FLT1: variants seen among roughly 807,000 people sequenced by gnomAD.
FLT1 encodes the protein fms related receptor tyrosine kinase 1.
Under a neutral mutation model 156.3 loss-of-function variants are expected in FLT1, and 49 were observed. That is an observed-to-expected ratio of 0.31 (90% confidence interval 0.25 to 0.40). The LOEUF is 0.40. Among genes scored for constraint, FLT1 ranks in the 10% least tolerant of loss-of-function variants. The pLI is 1.00. For synonymous variants in FLT1, 594 were observed against 583.8 expected (o/e 1.02, Z -0.25); for missense variants, 1,322 against 1,637.2 (o/e 0.81, Z 3.32).
chr13:28,394,329 T>A (rs2137467806), intron 12 of FLT1, among the ~76,000 whole-genome samples: 1 of 152,256 alleles, frequency 6.6e-6, no homozygotes. Context: ...GAGCTTCAAG[T>A]AGGTATGTCT....
intron 10 of FLT1, among the ~76,000 whole-genome samples, chr13:28,414,415 A>G (rs577270815): frequency 7.9e-5 from 12 of 152,302 alleles, no homozygotes; most frequent in Non-Finnish European, 1.5e-4. Context: ...CAAAAAAGCA[A>G]CCCCATGCTA....
chr13:28,459,714 C>T (rs1593817157), intron 3 of FLT1, among the ~76,000 whole-genome samples: 1 of 152,252 alleles, frequency 6.6e-6, no homozygotes, highest in East Asian at 1.9e-4. Context: ...ACTGTTTTTG[C>T]CTATTTTCCC....
intron 28 of FLT1, 38 bp from the exon 29 acceptor site, chr13:28,306,810 C>T (rs372494463): frequency 1.9e-5 from 27 of 1,407,418 alleles, no homozygotes; most frequent in Non-Finnish European, 2.4e-5. Flanking sequence ...TCTTGCCTGG[C>T]CCAGCGGGGG....
At chr13:28,346,176 A>T (rs905492850) in intron 15 of FLT1, 1 of 153,050 alleles carries the variant, frequency 6.5e-6, no homozygotes, top group Non-Finnish European at 1.5e-5. Flanking sequence ...GGGGCCTGAG[A>T]TAGAAGAGGC....
At chr13:28,411,328 G>A (rs1876159365) in intron 10 of FLT1, among the ~76,000 whole-genome samples, 1 of 151,612 alleles carries the variant, frequency 6.6e-6, no homozygotes, top group Non-Finnish European at 1.5e-5. Flanking sequence ...CGAGGCAGGT[G>A]GATCACCTGA....
chr13:28,459,527 G>A lies in FLT1; in HGVS notation c.388+7376C>T, dbSNP rs187484680. 3.1e-3 allele frequency among the ~76,000 whole-genome samples: 468 copies of A among 152,300 alleles called. 5 individuals carry two copies. Among genetic ancestry groups the A allele is most frequent in the Non-Finnish European group, 3.8e-3 (260 of 68,028 alleles). ...ATGGGCAGGTGGAGGAGAGAATGAG[G>A]CCATGTGGAAAATGGAAATTTAAAA... On this transcript the variant is annotated intron_variant, in intron 3 of 29. Coordinates refer to ENST00000282397, the MANE Select transcript of FLT1 (RefSeq NM_002019.4).
chr13:28,367,387 T>A (rs1873339752), intron 14 of FLT1, among the ~76,000 whole-genome samples: 1 of 152,230 alleles, frequency 6.6e-6, no homozygotes. Flanking sequence ...TTATGTTGGT[T>A]GCTAATGGAG....
Position 28,339,245 on chromosome 13 carries a change from AC to A in FLT1, c.2410del (p.Val804PhefsTer57). ...YLSIIMDPDE[V>X]PLDEQCERLP... The stretch of plus-strand genomic sequence containing the variant: ...CCGCTCACACTGCTCATCCAAAGGA[AC>A]TTCATCTGGGTCCATTATAATTGAT... On this transcript the variant is annotated frameshift_variant, in exon 17 of 30. Transcript: ENST00000282397. LOFTEE classifies it high-confidence loss of function. 1 of 1,609,446 alleles carries A rather than the reference AC, an allele frequency of 6.2e-7. No individual in the cohort carries two copies. The highest frequency in any genetic ancestry group is 8.5e-7 in the Non-Finnish European group (1 of 1,175,774).
At chr13:28,446,288 T>C (rs190097459) in intron 3 of FLT1, among the ~76,000 whole-genome samples, 9 of 152,334 alleles carry the variant, frequency 5.9e-5, no homozygotes, top group Admixed American at 1.3e-4. Flanking sequence ...TTCAATAGTG[T>C]ACTAGAGGTT....
chr13:28,418,963 A>G (rs889128496), intron 10 of FLT1, among the ~76,000 whole-genome samples: 1 of 152,180 alleles, frequency 6.6e-6, no homozygotes, highest in Non-Finnish European at 1.5e-5. Flanking sequence ...AGTAATCACC[A>G]TTCCGTAAAA....
At chr13:28,315,124 C>T (rs1278388628) in intron 25 of FLT1, among the ~76,000 whole-genome samples, 1 of 152,194 alleles carries the variant, frequency 6.6e-6, no homozygotes, top group Non-Finnish European at 1.5e-5. Flanking sequence ...CCTGTTTTCT[C>T]ATCTGTGAAA....
chr13:28,470,519 AG>A (rs1880104168), intron 1 of FLT1, among the ~76,000 whole-genome samples: 1 of 152,138 alleles, frequency 6.6e-6, no homozygotes, highest in Non-Finnish European at 1.5e-5. Flanking sequence ...GTCCAGGAAA[AG>A]AAGCAGTTCC....
intron 10 of FLT1, among the ~76,000 whole-genome samples, chr13:28,415,188 G>A (rs1593766240): frequency 6.6e-6 from 1 of 152,264 alleles, no homozygotes; most frequent in East Asian, 1.9e-4. Flanking sequence ...GTCAATAATA[G>A]CACCACTTTG....
intron 14 of FLT1, among the ~76,000 whole-genome samples, chr13:28,371,999 T>C (rs952347775): frequency 2.7e-5 from 4 of 148,092 alleles, no homozygotes; most frequent in African/African-American, 1.0e-4. Flanking sequence ...AGTGAATATC[T>C]ATTGAATGAA....
chr13:28,431,853 A>G (rs572775261), intron 6 of FLT1, among the ~76,000 whole-genome samples: 1 of 152,288 alleles, frequency 6.6e-6, no homozygotes, highest in Non-Finnish European at 1.5e-5. Flanking sequence ...CCTACGAGAT[A>G]TGAAGGAAAA....
At chr13:28,430,792 C>T (rs1205928303) in intron 7 of FLT1, among the ~76,000 whole-genome samples, 2 of 152,024 alleles carry the variant, frequency 1.3e-5, no homozygotes, top group Admixed American at 6.6e-5. Context: ...CATGGTAGTA[C>T]CTGAGAAATT....
intron 3 of FLT1, among the ~76,000 whole-genome samples, chr13:28,438,892 A>G (rs1450517147): frequency 6.6e-6 from 1 of 152,218 alleles, no homozygotes; most frequent in East Asian, 1.9e-4. Flanking sequence ...ATAATAATGA[A>G]TGAGAAGGTC....
intron 10 of FLT1, among the ~76,000 whole-genome samples, chr13:28,412,332 T>TC (rs376788111): frequency 1.7e-4 from 9 of 54,164 alleles, no homozygotes; most frequent in Admixed American, 4.8e-4. Flanking sequence ...TTTCTTTCTT[T>TC]TCTTTCTTTC....
At chr13:28,394,813 C>A (rs1218821641) in intron 12 of FLT1, among the ~76,000 whole-genome samples, 3 of 152,268 alleles carry the variant, frequency 2.0e-5, no homozygotes, top group South Asian at 2.1e-4. Context: ...TCCCTGGGAT[C>A]TCAGAATTCC....
Sources: gnomAD v4.1 joint callset for allele counts (sites outside exome capture counted in the v4.1 genomes callset) on GRCh38, gnomAD v4.1.1 for gene constraint, MANE v1.5 for transcripts, NCBI Gene and HGNC (gene_info 2026-07-23, HGNC 2026-07-21) for gene names.